The following C1D variants were observed in gnomAD, a reference collection of about 807,000 sequenced individuals.
C1D encodes nuclear nucleic acid-binding protein C1D.
Under a neutral mutation model 17.5 loss-of-function variants are expected in C1D, and 10 were observed. That is an observed-to-expected ratio of 0.57 (90% CI 0.35 to 0.97). The LOEUF (loss-of-function observed/expected upper bound fraction) is 0.97, where lower values mean the gene tolerates loss of function less well. Among genes scored for constraint, C1D ranks in the 50% least tolerant of loss-of-function variants. The pLI, the probability that C1D is intolerant of heterozygous loss-of-function variation, is 0.01. For missense variants in C1D, 136 were observed against 160.1 expected, an observed-to-expected ratio of 0.85 and a Z score of 0.81; for synonymous variants, 49 against 54.0, an observed-to-expected ratio of 0.91 and a Z score of 0.40.
At chr2:68,059,770 A>G (rs926196430) in intron 1 of C1D, among the ~76,000 whole-genome samples, 2 of 152,018 alleles carry the variant, frequency 1.3e-5, no homozygotes, top group Non-Finnish European at 1.5e-5. Context: ...GTTATTCCTC[A>G]TTTTCCCAAC....
At chr2:68,057,522 T>C (rs1050719942) in intron 1 of C1D, among the ~76,000 whole-genome samples, 36 of 152,332 alleles carry the variant, frequency 2.4e-4, no homozygotes, top group African/African-American at 8.2e-4. Flanking sequence ...GGTATATGCA[T>C]GTAAGTTTTC....
intron 1 of C1D, among the ~76,000 whole-genome samples, chr2:68,052,693 C>G (rs1291626287): frequency 1.1e-4 from 17 of 152,030 alleles, no homozygotes. Context: ...TTTTCCCTAA[C>G]TAAAAAAATA....
intron 1 of C1D, among the ~76,000 whole-genome samples, chr2:68,052,316 A>G (rs1342049335): frequency 6.6e-6 from 1 of 152,212 alleles, no homozygotes; most frequent in Non-Finnish European, 1.5e-5. Context: ...GGTTCAAAGC[A>G]GACTCATTTT....
chr2:68,051,279 G>A (rs1671274015), intron 1 of C1D, among the ~76,000 whole-genome samples: 1 of 152,126 alleles, frequency 6.6e-6, no homozygotes, highest in South Asian at 2.1e-4. Context: ...AGCACTTTGG[G>A]AGGCCAAGGC....
At chr2:68,059,958 C>T (rs1187221924) in intron 1 of C1D, among the ~76,000 whole-genome samples, 1 of 152,144 alleles carries the variant, frequency 6.6e-6, no homozygotes, top group East Asian at 1.9e-4. Context: ...ATTCAACTGC[C>T]TACTCAACAT....
intron 1 of C1D, among the ~76,000 whole-genome samples, chr2:68,053,942 T>C (rs992799619): frequency 1.6e-5 from 2 of 128,880 alleles, no homozygotes; most frequent in Admixed American, 7.5e-5. Flanking sequence ...TTCTATGCTC[T>C]CTGTCTGGAC....
intron 1 of C1D, among the ~76,000 whole-genome samples, chr2:68,056,542 AT>A (rs369582951): frequency 5.8e-4 from 89 of 152,280 alleles, no homozygotes; most frequent in Middle Eastern, 3.4e-3. Flanking sequence ...CAACACAAAG[AT>A]TTTTTTAAAG....
rs1014026451 is a variant in C1D at position 68,053,204 on chromosome 2, G to A, written c.-9-5885C>T. The A allele has an allele frequency of 8.4e-6, 13 of 1,549,588 alleles. 1 individual carries two copies. In the Admixed American group the frequency reaches 2.0e-4, roughly 23 times the overall value. ...GCTTCTCTTCACCACTCAGTAAGGT[G>A]TGGCTGAGACTGAGTACCTGGGTTG... On this transcript the variant is annotated intron_variant, in intron 1 of 4. Transcript: ENST00000410067.
chr2:68,062,207 A>T (rs373856149), intron 1 of C1D, among the ~76,000 whole-genome samples: 1 of 152,216 alleles, frequency 6.6e-6, no homozygotes, highest in Non-Finnish European at 1.5e-5. Context: ...TTTAAATTTA[A>T]TTTTTTAAAA....
At chr2:68,045,472 GATTT>G (rs1254841250) in intron 4 of C1D, among the ~76,000 whole-genome samples, 4 of 152,094 alleles carry the variant, frequency 2.6e-5, no homozygotes, top group Non-Finnish European at 4.4e-5. Flanking sequence ...AAACCTAGAA[GATTT>G]ATTACAGGTT....
chr2:68,051,293 A>C (rs1671274270), intron 1 of C1D, among the ~76,000 whole-genome samples: 1 of 152,134 alleles, frequency 6.6e-6, no homozygotes, highest in Admixed American at 6.6e-5. Flanking sequence ...CCAAGGCAGG[A>C]GGACAGCTTG....
At chr2:68,055,629 A>G (rs1261779581) in intron 1 of C1D, among the ~76,000 whole-genome samples, 1 of 152,230 alleles carries the variant, frequency 6.6e-6, no homozygotes, top group Non-Finnish European at 1.5e-5. Context: ...AACATGGACA[A>G]AGTACTAGAT....
chr2:68,043,437 T>C (rs569632620), intron 4 of C1D, among the ~76,000 whole-genome samples: 18 of 152,336 alleles, frequency 1.2e-4, no homozygotes, highest in Admixed American at 5.2e-4. Flanking sequence ...GGAGCTTTCA[T>C]ATACTTGCAA....
intron 1 of C1D, among the ~76,000 whole-genome samples, chr2:68,061,178 G>A (rs182394375): frequency 2.5e-4 from 38 of 152,292 alleles, no homozygotes; most frequent in Admixed American, 2.2e-3. Context: ...TTACTGTAAT[G>A]AATTACTGTA....
At chr2:68,044,467 G>A (rs578237371) in intron 4 of C1D, among the ~76,000 whole-genome samples, 68 of 152,318 alleles carry the variant, frequency 4.5e-4, no homozygotes, top group African/African-American at 1.2e-3. Flanking sequence ...CCAGCACTTC[G>A]GGAGGCCGAG....
chr2:68,042,876 C>G lies in C1D; in HGVS notation c.*13G>C. On this transcript the variant is annotated 3_prime_UTR_variant, in exon 5 of 5. Coordinates refer to ENST00000410067, the MANE Select transcript of C1D (RefSeq NM_173177.3). The stretch of plus-strand genomic sequence containing the variant: ...ATGTACTTTTTGAATATGTGTACAT[C>G]AAAACCAAAAAGTTAACTTTTACTT... 1.0e-6 allele frequency: 1 copy of G among 960,908 alleles called. No homozygotes were observed. The highest frequency in any genetic ancestry group is 1.4e-6 in the Non-Finnish European group (1 of 706,606). 59.5% of individuals were successfully genotyped at this position (960,908 alleles called of 1,614,324 possible).
At chr2:68,061,052 T>G (rs1671615532) in intron 1 of C1D, among the ~76,000 whole-genome samples, 1 of 152,028 alleles carries the variant, frequency 6.6e-6, no homozygotes, top group Admixed American at 6.5e-5. Flanking sequence ...TCCAGGGCTC[T>G]TCCCATCTCT....
At chr2:68,062,714 A>C (rs540029640) in intron 1 of C1D, among the ~76,000 whole-genome samples, 1 of 152,138 alleles carries the variant, frequency 6.6e-6, no homozygotes, top group Non-Finnish European at 1.5e-5. Flanking sequence ...CCGGAGCAAA[A>C]GAGAGAAATG....
At chr2:68,052,624 A>C (rs1232489529) in intron 1 of C1D, among the ~76,000 whole-genome samples, 1 of 152,154 alleles carries the variant, frequency 6.6e-6, no homozygotes, top group East Asian at 1.9e-4. Context: ...GTGAACACTG[A>C]AAGCATGGTA....
Sources: allele counts gnomAD v4.1 joint callset (sites outside exome capture counted in the v4.1 genomes callset), GRCh38; gene constraint gnomAD v4.1.1; transcripts MANE v1.5; gene names NCBI Gene and HGNC (gene_info 2026-07-23, HGNC 2026-07-21).